Variants in IDH1 observed in about 807,000 individuals in gnomAD.
The protein encoded by IDH1 is isocitrate dehydrogenase [NADP] cytoplasmic.
IDH1 carries 33 observed loss-of-function variants against 46.1 expected under a neutral mutation model. The observed-to-expected ratio is 0.72, with a 90% CI of 0.54 to 0.96. The LOEUF (loss-of-function observed/expected upper bound fraction) is 0.96, where lower values mean the gene tolerates loss of function less well. Among genes scored for constraint, IDH1 ranks in the 40% least tolerant of loss-of-function variants. The pLI is 0.00. For synonymous variants in IDH1, 144 were observed against 172.8 expected (o/e 0.83, Z 1.31); for missense variants, 421 against 515.7 (o/e 0.82, Z 1.78).
chr2:208,238,970 G>T, intron 9 of IDH1, 101 bp downstream of exon 9: 1 of 1,079,438 alleles, frequency 9.3e-7, no homozygotes, highest in Non-Finnish European at 1.4e-6. Flanking sequence ...TGAACTAGAT[G>T]ATGAATAACA....
intron 5 of IDH1, among the ~76,000 whole-genome samples, chr2:208,244,683 T>C (rs1687983801): frequency 6.6e-6 from 1 of 152,208 alleles, no homozygotes; most frequent in Non-Finnish European, 1.5e-5. Context: ...ACAGATATTA[T>C]TTGGAAGAGG....
chr2:208,239,958 T>A lies in IDH1; in HGVS notation c.896A>T (p.Asp299Val). 3 of 1,614,162 alleles carry A rather than the reference T, an allele frequency of 1.9e-6. No homozygotes were observed. Among genetic ancestry groups the A allele is most frequent in the Non-Finnish European group, 2.5e-6 (3 of 1,180,034 alleles). Residue 299 changes from aspartate (D) to valine (V), a missense_variant, in exon 8 of 10, where the codon GAT becomes GTT. By Grantham distance (152) the Asp-to-Val change is radical (BLOSUM62 -3). Coordinates refer to ENST00000345146, the MANE Select transcript of IDH1 (RefSeq NM_005896.4). Reference sequence around the variant, plus strand: ...AGCCTCTGCTTCTACTGTCTTGCCATCTGGACAAACCAGCACGCTGGTCAT... The same window carrying A: ...AGCCTCTGCTTCTACTGTCTTGCCAACTGGACAAACCAGCACGCTGGTCAT... ...GMMTSVLVCPDGKTVEAEAAH... is the reference protein window; with the variant it reads ...GMMTSVLVCPVGKTVEAEAAH...
At position 208,236,469 on chromosome 2, in the gene IDH1, T is replaced by C. The variant is rs1359219186; in HGVS notation, c.*610A>G. ...ATGGAGAGGACAAACCTCCAGGTAG[T>C]ATTTATTCCGGATTCCAAACTCTCC... On this transcript the variant is annotated 3_prime_UTR_variant, in exon 10 of 10. Coordinates refer to ENST00000345146, the MANE Select transcript of IDH1 (RefSeq NM_005896.4). 4.3e-6 allele frequency: 1 copy of C among 232,788 alleles called. No individual in the cohort carries two copies. The highest frequency in any genetic ancestry group is 8.5e-6 in the Non-Finnish European group (1 of 117,898). The allele number at this position is 232,788 out of a possible 1,614,324, so 14.4% of individuals were successfully genotyped here. A position where few individuals can be genotyped will look rare whatever the true frequency, so the allele number is the denominator to read the frequency against.
chr2:208,248,777 A>G (rs1688070361), intron 3 of IDH1, 117 bp from the exon 4 acceptor site: 3 of 920,902 alleles, frequency 3.3e-6, no homozygotes, highest in Middle Eastern at 2.9e-4. Flanking sequence ...TGAGTACACC[A>G]AAATCTGCCA....
intron 3 of IDH1, among the ~76,000 whole-genome samples, chr2:208,250,027 C>T (rs531450691): frequency 9.9e-4 from 150 of 152,230 alleles, no homozygotes; most frequent in Admixed American, 1.6e-3. Context: ...CTACATAAAA[C>T]AAACTACCTG....
At chr2:208,245,888 A>G (rs1426959222) in intron 4 of IDH1, among the ~76,000 whole-genome samples, 2 of 149,670 alleles carry the variant, frequency 1.3e-5, no homozygotes, top group African/African-American at 2.4e-5. Context: ...TACTAATTGT[A>G]GTACTGAGGT....
intron 2 of IDH1, 23 bp from the exon 3 acceptor site, chr2:208,251,590 T>G (rs372748968): frequency 2.5e-6 from 4 of 1,582,750 alleles, no homozygotes; most frequent in Middle Eastern, 1.7e-4. Flanking sequence ...AAAAAATACA[T>G]GCCTTGTCAT....
intron 6 of IDH1, 97 bp downstream of exon 6, chr2:208,243,329 AT>A (rs1261331295): frequency 1.0e-6 from 1 of 986,958 alleles, no homozygotes; most frequent in African/African-American, 1.6e-5. Context: ...TTTTCACTCA[AT>A]TTACCCAGAA....
rs759303223 is a variant in IDH1, at chr2:208,237,080, T to TA, written c.1243dup (p.Ter415LeufsTer7). The stretch of plus-strand genomic sequence containing the variant: ...ATCCTTCTTAGCTCAGGTATGAACT[T>TA]AAAGTTTGGCCTGAGCTAGTTTGAT... On this transcript the variant is annotated frameshift_variant and stop_lost, in exon 10 of 10. Transcript: ENST00000345146. LOFTEE classifies it high-confidence loss of function. 2.2e-5 allele frequency: 35 copies of TA among 1,557,690 alleles called. No individual in the cohort carries two copies. In the African/African-American group the frequency reaches 3.8e-4, roughly 17 times the overall value.
At position 208,237,161 on chromosome 2, in the gene IDH1, C is replaced by T. The variant is rs566072712; in HGVS notation, c.1163G>A (p.Arg388His). 1.6e-5 allele frequency: 25 copies of T among 1,582,950 alleles called. No individual in the cohort carries two copies. Among genetic ancestry groups the T allele is most frequent in the East Asian group, 1.1e-4 (5 of 44,138 alleles). Residue 388 changes from arginine (R) to histidine (H), a missense_variant, in exon 10 of 10, where the codon CGT becomes CAT. By Grantham distance (29) the Arg-to-His change is conservative (BLOSUM62 0). Transcript: ENST00000345146. ...ACIKGLPNVQ[R>H]SDYLNTFEFM... ...CTCAAATGTATTCAAGTAGTCAGAA[C>T]GTTGCACACTAACGGGAAGGAAAAA...
chr2:208,253,672 G>A (rs1180096837), intron 2 of IDH1, among the ~76,000 whole-genome samples: 3 of 152,028 alleles, frequency 2.0e-5, no homozygotes, highest in African/African-American at 4.8e-5. Flanking sequence ...GTTTTTTGCC[G>A]AGTTCATGAA....
chr2:208,240,490 G>A (rs976300388), intron 7 of IDH1, among the ~76,000 whole-genome samples: 47 of 152,116 alleles, frequency 3.1e-4, no homozygotes, highest in Non-Finnish European at 4.4e-5. Context: ...ATGCTCTGCT[G>A]TTCTGGGGAA....
At chr2:208,242,555 G>A (rs1559359996) in intron 6 of IDH1, among the ~76,000 whole-genome samples, 1 of 152,072 alleles carries the variant, frequency 6.6e-6, no homozygotes, top group African/African-American at 2.4e-5. Context: ...GACAGTTTCT[G>A]GGCTTGGTAT....
At chr2:208,253,336 A>G (rs1019400599) in intron 2 of IDH1, among the ~76,000 whole-genome samples, 6 of 152,250 alleles carry the variant, frequency 3.9e-5, no homozygotes, top group African/African-American at 1.4e-4. Context: ...TAACTAAAAC[A>G]GTGAAGCTTT....
chr2:208,244,263 C>T (rs1179351949), intron 5 of IDH1, among the ~76,000 whole-genome samples: 2 of 152,192 alleles, frequency 1.3e-5, no homozygotes, highest in African/African-American at 4.8e-5. Context: ...GGTGTTGGAG[C>T]CAGGCTTGTA....
intron 3 of IDH1, 38 bp downstream of exon 3, chr2:208,251,392 C>A (rs770190323): frequency 3.1e-6 from 5 of 1,610,320 alleles, no homozygotes; most frequent in Non-Finnish European, 4.2e-6. Flanking sequence ...CCAGATTATC[C>A]TTTCTGAGTT....
intron 1 of IDH1, chr2:208,254,384 C>T (rs1346579790): frequency 6.6e-6 from 1 of 152,312 alleles, no homozygotes; most frequent in African/African-American, 2.4e-5. Context: ...GGGTGTTTCC[C>T]CCAGCCCCCT....
chr2:208,243,133 A>T (rs1238776249), intron 6 of IDH1, among the ~76,000 whole-genome samples: 1 of 152,218 alleles, frequency 6.6e-6, no homozygotes, highest in Non-Finnish European at 1.5e-5. Context: ...AAACTCACAC[A>T]TGAAAAATTA....
At chr2:208,247,472 G>C (rs1467926965) in intron 4 of IDH1, 1 of 151,758 alleles carries the variant, frequency 6.6e-6, no homozygotes. Flanking sequence ...ACAGGGTCTT[G>C]CTCTGTTGCG....
Sources: gnomAD v4.1 joint callset for allele counts (sites outside exome capture counted in the v4.1 genomes callset) on GRCh38, gnomAD v4.1.1 for gene constraint, MANE v1.5 for transcripts, NCBI Gene and HGNC (gene_info 2026-07-23, HGNC 2026-07-21) for gene names.